FGD2: variants seen among roughly 807,000 people sequenced by gnomAD.
FGD2 encodes the protein FYVE, RhoGEF and PH domain-containing protein 2.
A neutral mutation model predicts 75.9 loss-of-function variants in FGD2; 52 were observed. The observed-to-expected ratio is 0.69, with a 90% CI of 0.55 to 0.86. FGD2 has a LOEUF of 0.86. FGD2 is among the 40% of genes least tolerant of loss of function. The pLI is 0.00. For missense variants in FGD2, 790 were observed against 872.0 expected (o/e 0.91, Z 1.18); for synonymous variants, 347 against 348.6 (o/e 1.00, Z 0.05).
At position 37,028,180 on chromosome 6, in the gene FGD2, C is replaced by G. The variant is rs781245606; in HGVS notation, c.*17C>G. ...TCCGACTGAGCCACTGCCAGCCGCT[C>G]TCCTGCCCACCTCTCCCCACCCTGA... On this transcript the variant is annotated 3_prime_UTR_variant, in exon 16 of 16. Coordinates refer to ENST00000274963, the MANE Select transcript of FGD2 (RefSeq NM_173558.4). 1.9e-5 allele frequency: 29 copies of G among 1,527,922 alleles called. No individual in the cohort carries two copies. In the South Asian group the frequency reaches 3.3e-4, roughly 18 times the overall value. The allele number at this position is 1,527,922 out of a possible 1,614,324, so 94.6% of individuals were successfully genotyped here. A position where few individuals can be genotyped will look rare whatever the true frequency, so the allele number is the denominator to read the frequency against.
At chr6:37,014,171 T>C in intron 6 of FGD2, 71 bp downstream of exon 6, 1 of 1,528,532 alleles carries the variant, frequency 6.5e-7, no homozygotes, top group Admixed American at 2.1e-5. Context: ...ACTGAGCTCC[T>C]GCTAAAATGG....
intron 13 of FGD2, chr6:37,025,163 T>C (rs565354731): frequency 6.6e-6 from 1 of 152,644 alleles, no homozygotes; most frequent in Admixed American, 6.5e-5. Flanking sequence ...GAGCTGAGAG[T>C]GGGCCCCGCT....
At chr6:37,014,814 C>T (rs1036185207) in intron 7 of FGD2, 78 bp from the exon 8 acceptor site, 131 of 1,609,328 alleles carry the variant, frequency 8.1e-5, no homozygotes, top group Non-Finnish European at 1.0e-4. Context: ...CCCCCAGTCC[C>T]CGTCCCCACA....
chr6:37,011,760 G>T lies in FGD2; in HGVS notation c.433G>T (p.Asp145Tyr), dbSNP rs752500567. The T allele has an allele frequency of 6.2e-7, 1 of 1,614,034 alleles. No individual in the cohort carries two copies. The highest frequency in any genetic ancestry group is 8.5e-7 in the Non-Finnish European group (1 of 1,180,026). ...CCGCAGCAGCAAGGCCTTCCCAGAG[G>T]ATGTGGTCAGGGTCATCTTCTCCAA... ...TARSSKAFPE[D>Y]VVRVIFSNIS... Residue 145 changes from aspartate (D) to tyrosine (Y), a missense_variant, in exon 4 of 16, where the codon GAT (aspartate) becomes TAT (tyrosine). Physicochemically the swap from Asp to Tyr is radical, Grantham distance 160. Transcript: ENST00000274963.
intron 14 of FGD2, among the ~76,000 whole-genome samples, chr6:37,026,723 G>A (rs1765837560): frequency 6.6e-6 from 1 of 152,150 alleles, no homozygotes; most frequent in Non-Finnish European, 1.5e-5. Context: ...CTTTTGGCCA[G>A]GCGGGAAGGC....
chr6:37,011,618 G>A lies in FGD2; in HGVS notation c.379-88G>A, dbSNP rs1025703717. On this transcript the variant is annotated intron_variant, in intron 3 of 15. Coordinates refer to ENST00000274963, the MANE Select transcript of FGD2 (RefSeq NM_173558.4). ...GAGATCAGGGAGGTGGAAGCATGCA[G>A]TAGGCTTGGTGGGACCCTAGTTCCC... The A allele has an allele frequency of 6.4e-6, 10 of 1,564,030 alleles. No individual in the cohort carries two copies. In the South Asian group the frequency reaches 8.0e-5, roughly 13 times the overall value.
chr6:37,022,546 G>T lies in FGD2; in HGVS notation c.1458+176G>T, dbSNP rs894254240. ...ACCTGTCCCTCCGAGGCCTCCACCT[G>T]TGTCACCCAGGCCTCTATCTTTCCT... is the stretch of plus-strand genomic sequence containing the variant. On this transcript the variant is annotated intron_variant, in intron 13 of 15. Coordinates refer to ENST00000274963, the MANE Select transcript of FGD2 (RefSeq NM_173558.4). The T allele has an allele frequency of 4.8e-6, 4 of 834,162 alleles. No individual in the cohort carries two copies. In the African/African-American group the frequency reaches 5.6e-5, roughly 12 times the overall value. The allele number at this position is 834,162 out of a possible 1,614,324, so 51.7% of individuals were successfully genotyped here. A position where few individuals can be genotyped will look rare whatever the true frequency, so the allele number is the denominator to read the frequency against.
rs748384279 is a variant in FGD2, at chr6:37,028,145, T to C, written c.1950T>C (p.Asp650=). The change falls in exon 16 of 16, where the codon GAT becomes GAC. Residue 650 remains aspartate, a synonymous_variant. Transcript: ENST00000274963. ...ASGWSPSWPN[D]GDLSD is the part of the protein sequence containing the mutation. ...GCTGGAGCCCCAGCTGGCCCAACGATGGGGACCTGTCCGACTGAGCCACTG... is the reference window on the plus strand; with the variant it reads ...GCTGGAGCCCCAGCTGGCCCAACGACGGGGACCTGTCCGACTGAGCCACTG... 15 of 1,598,428 alleles carry C rather than the reference T, an allele frequency of 9.4e-6. No homozygotes were observed. In the East Asian group the frequency reaches 2.0e-4, roughly 22 times the overall value.
rs546460531 is a variant in FGD2, at chr6:37,021,036, A to G, written c.1233+297A>G. On this transcript the variant is annotated intron_variant, in intron 11 of 15. Transcript: ENST00000274963. ...TGTACATGTATGTGTGTATGTGTAT[A>G]TGTGTGTTTGTGTGCATGCATGTGT... Among the ~76,000 whole-genome samples, 1,189 of 148,500 alleles carry G rather than the reference A, an allele frequency of 8.0e-3. 18 individuals carry two copies. Among genetic ancestry groups the G allele is most frequent in the African/African-American group, 0.028 (1,124 of 40,106 alleles).
chr6:37,020,552 G>A lies in FGD2; in HGVS notation c.1134G>A (p.Leu378=). 6.2e-7 allele frequency: 1 copy of A among 1,607,138 alleles called. No individual in the cohort carries two copies. Among genetic ancestry groups the A allele is most frequent in the East Asian group, 2.2e-5 (1 of 44,784 alleles). Residue 378 remains leucine (L), a synonymous_variant, in exon 10 of 16, where the codon CTG becomes CTA. Transcript: ENST00000274963. ...CCTCCTCTTGGCAGGTGCGGGAGCT[G>A]ATGGATGCTGAGTTTCCCCACTCCT... ...IDVAGMKVRE[L]MDAEFPHSFL... is the part of the protein sequence containing the mutation.
intron 1 of FGD2, 31 bp downstream of exon 1, chr6:37,005,916 T>C (rs749445507): frequency 1.9e-6 from 3 of 1,608,982 alleles, no homozygotes; most frequent in African/African-American, 1.3e-5. Context: ...AGGGTCACCA[T>C]GGTGGGCTGG....
rs1283916626 is a variant in FGD2, at chr6:37,009,005, G to A, written c.240G>A (p.Leu80=). ...RRYLNSLKNK[L]SSEAWRKSCQ... ...ACCTGAACTCCCTGAAGAACAAGCT[G>A]TCCAGCGAAGCCTGGAGGAAATCTT... The change falls in exon 2 of 16, where the codon CTG becomes CTA. Residue 80 remains leucine (L), a synonymous_variant. Coordinates refer to ENST00000274963, the MANE Select transcript of FGD2 (RefSeq NM_173558.4). 6.2e-7 allele frequency: 1 copy of A among 1,614,248 alleles called. No homozygotes were observed. The highest frequency in any genetic ancestry group is 1.7e-5 in the Admixed American group (1 of 60,030).
intron 3 of FGD2, chr6:37,011,314 G>C: frequency 1.7e-6 from 1 of 571,470 alleles, no homozygotes; most frequent in Non-Finnish European, 3.1e-6. Context: ...TGGCCTACAC[G>C]GTATCTTCAT....
chr6:37,020,710 T>C lies in FGD2; in HGVS notation c.1204T>C (p.Ser402Pro). 3 of 1,573,466 alleles carry C rather than the reference T, an allele frequency of 1.9e-6. No homozygotes were observed. Among genetic ancestry groups the C allele is most frequent in the Non-Finnish European group, 2.6e-6 (3 of 1,157,840 alleles). Reference sequence around the variant, plus strand: ...CACCTGTGTTCACTTTCCGAGCAGGTCCCAGGAGGAAATGATTTCCTGGAT... The same window carrying C: ...CACCTGTGTTCACTTTCCGAGCAGGCCCCAGGAGGAAATGATTTCCTGGAT... ...KQRTLELQAR[S>P]QEEMISWMQA... Residue 402 changes from serine (S) to proline (P), a missense_variant and splice_region_variant, in exon 11 of 16, where the codon TCC becomes CCC. Physicochemically the swap from Ser to Pro is moderately conservative, Grantham distance 74 (BLOSUM62 -1). Transcript: ENST00000274963.
Position 37,008,913 on chromosome 6 carries a change from G to T in FGD2, c.148G>T (p.Gly50Ter). The T allele has an allele frequency of 6.2e-7, 1 of 1,614,210 alleles. No homozygotes were observed. The highest frequency in any genetic ancestry group is 8.5e-7 in the Non-Finnish European group (1 of 1,180,032). Reference sequence around the variant, plus strand: ...TGAGTGCAGGCCTCCCGAGTCCCCAGGACCACGGGAGAAGACGAATGTCGG... The same window carrying T: ...TGAGTGCAGGCCTCCCGAGTCCCCATGACCACGGGAGAAGACGAATGTCGG... ...RPECRPPESP[G>*]PREKTNVGEA... The change falls in exon 2 of 16, where the codon GGA (glycine) becomes TGA (stop). Residue 50 changes from glycine to a stop codon, truncating the protein, a stop_gained. Transcript: ENST00000274963. LOFTEE classifies it high-confidence loss of function.
At chr6:37,020,224 T>G (rs980711579) in intron 9 of FGD2, among the ~76,000 whole-genome samples, 1 of 152,258 alleles carries the variant, frequency 6.6e-6, no homozygotes, top group African/African-American at 2.4e-5. Context: ...CCTCATATAC[T>G]CATCCAGTTT....
Position 37,022,330 on chromosome 6 carries a change from C to T in FGD2, c.1418C>T (p.Ala473Val), listed in dbSNP as rs1286354382. 20 of 1,588,830 alleles carry T rather than the reference C, an allele frequency of 1.3e-5. No individual in the cohort carries two copies. Among genetic ancestry groups the T allele is most frequent in the Non-Finnish European group, 1.6e-5 (19 of 1,169,696 alleles). ...MCMRCQEPFN[A>V]LTRRRHHCRA... ...ATGCGCTGCCAGGAGCCCTTCAACG[C>T]TCTGACGCGCCGTCGCCACCACTGC... Residue 473 changes from alanine (A) to valine (V), a missense_variant, in exon 13 of 16, where the codon GCT becomes GTT. Transcript: ENST00000274963.
chr6:37,010,961 A>G lies in FGD2; in HGVS notation c.301-12A>G. ...CCCTTTTTCTCCTTCTCTCCCCTCC[A>G]ATCCTCCGCAGGAGCCAGAGAAGAA... On this transcript the variant is annotated splice_polypyrimidine_tract_variant and intron_variant, in intron 2 of 15. Coordinates refer to ENST00000274963, the MANE Select transcript of FGD2 (RefSeq NM_173558.4). The G allele has an allele frequency of 6.2e-7, 1 of 1,613,760 alleles. No individual in the cohort carries two copies. The highest frequency in any genetic ancestry group is 8.5e-7 in the Non-Finnish European group (1 of 1,179,720).
At chr6:37,011,108 C>A in intron 3 of FGD2, 58 bp downstream of exon 3, 1 of 1,485,586 alleles carries the variant, frequency 6.7e-7, no homozygotes, top group Non-Finnish European at 9.4e-7. Flanking sequence ...TCACCTCACC[C>A]CTTCTCAGCC....
Sources: allele counts gnomAD v4.1 joint callset (sites outside exome capture counted in the v4.1 genomes callset), GRCh38; gene constraint gnomAD v4.1.1; transcripts MANE v1.5; gene names NCBI Gene and HGNC (gene_info 2026-07-23, HGNC 2026-07-21).